The following MAP6 variants were observed in gnomAD, a reference collection of about 807,000 sequenced individuals.
MAP6 encodes microtubule-associated protein 6.
MAP6 carries 26 observed loss-of-function variants against 42.4 expected under a neutral mutation model. The ratio of observed to expected loss-of-function variants is 0.61; its 90% CI spans 0.45 to 0.85. The LOEUF (loss-of-function observed/expected upper bound fraction) is 0.85. Among genes scored for constraint, MAP6 ranks in the 40% least tolerant of loss-of-function variants. The probability of loss-of-function intolerance (pLI) is 0.00; values close to 1 mark genes in which losing one functional copy is unlikely to be tolerated. For missense variants in MAP6, 966 were observed against 1,099.0 expected (o/e 0.88, Z 1.71); for synonymous variants, 418 against 443.8 (o/e 0.94, Z 0.73).
chr11:75,635,700 G>A (rs990767738), intron 1 of MAP6, among the ~76,000 whole-genome samples: 7 of 152,160 alleles, frequency 4.6e-5, no homozygotes, highest in African/African-American at 1.7e-4. Flanking sequence ...TCATTCCTTC[G>A]TGAGCCATAT....
intron 1 of MAP6, among the ~76,000 whole-genome samples, chr11:75,628,582 G>T (rs866528360): frequency 6.6e-6 from 1 of 152,238 alleles, no homozygotes; most frequent in African/African-American, 2.4e-5. Context: ...GGCCAGAGCG[G>T]CAGGAGGGAG....
chr11:75,655,485 C>T (rs1209233678), intron 1 of MAP6, among the ~76,000 whole-genome samples: 2 of 152,266 alleles, frequency 1.3e-5, no homozygotes, highest in Admixed American at 1.3e-4. Context: ...GAAAAGGCAT[C>T]GAGTGTGTGC....
At chr11:75,604,159 G>C in intron 3 of MAP6, 2 of 985,842 alleles carry the variant, frequency 2.0e-6, no homozygotes, top group Non-Finnish European at 2.4e-6. Context: ...GTCGCAGTGG[G>C]CCTGATCAAC....
intron 1 of MAP6, among the ~76,000 whole-genome samples, chr11:75,651,412 C>T (rs1401125165): frequency 6.6e-6 from 1 of 152,150 alleles, no homozygotes. Flanking sequence ...TTCGGTGAGG[C>T]GTCATAACAG....
chr11:75,651,337 C>T (rs1025124647), intron 1 of MAP6, among the ~76,000 whole-genome samples: 1 of 152,292 alleles, frequency 6.6e-6, no homozygotes, highest in South Asian at 2.1e-4. Flanking sequence ...TTTTTAGAAT[C>T]ACCAAGCCTC....
rs568332906 is a variant in MAP6, at chr11:75,591,050, C to T, written c.1317-2866G>A. Among the ~76,000 whole-genome samples, 5 of 152,020 alleles carry T rather than the reference C, an allele frequency of 3.3e-5. No individual in the cohort carries two copies. In the South Asian group the frequency reaches 1.0e-3, roughly 32 times the overall value. ...ATTTGTAATGTTTAAGATAATTTAG[C>T]GTATTAGAATGTCTAACAGATTAGC... On this transcript the variant is annotated intron_variant, in intron 3 of 3. Transcript: ENST00000304771.
At chr11:75,605,486 C>G (rs75570867) in intron 3 of MAP6, 1 of 1,128,078 alleles carries the variant, frequency 8.9e-7, no homozygotes, top group African/African-American at 1.6e-5. Context: ...CAAGCACTGC[C>G]GGGAGATTCG....
At chr11:75,626,878 T>C (rs1362682732) in intron 1 of MAP6, among the ~76,000 whole-genome samples, 2 of 152,126 alleles carry the variant, frequency 1.3e-5, no homozygotes, top group Non-Finnish European at 2.9e-5. Context: ...ATAAATGATT[T>C]GAGTCATTTG....
At position 75,608,062 on chromosome 11, in the gene MAP6, C is replaced by G. The variant is rs377647038; in HGVS notation, c.1119+47G>C. The G allele has an allele frequency of 5.7e-6, 9 of 1,585,830 alleles. No homozygotes were observed. The African/African-American group carries it at 1.2e-4, about 21-fold the overall frequency. On this transcript the variant is annotated intron_variant, in intron 2 of 3. Transcript: ENST00000304771. ...ACCCCATGCTCTGCTGCAGTTAACC[C>G]TTATGGTCCAGGCTGTGCTGATGGG...
chr11:75,625,384 A>G (rs1167868036), intron 1 of MAP6, among the ~76,000 whole-genome samples: 1 of 152,190 alleles, frequency 6.6e-6, no homozygotes, highest in Non-Finnish European at 1.5e-5. Flanking sequence ...TGCATTCTTT[A>G]TCTGTCAGCT....
chr11:75,650,678 T>C (rs968362810), intron 1 of MAP6, among the ~76,000 whole-genome samples: 3 of 152,206 alleles, frequency 2.0e-5, no homozygotes, highest in Admixed American at 6.5e-5. Context: ...GTATCCTATA[T>C]CCTATGGCAT....
intron 1 of MAP6, among the ~76,000 whole-genome samples, chr11:75,611,104 C>T (rs1942888973): frequency 6.6e-6 from 1 of 152,192 alleles, no homozygotes; most frequent in African/African-American, 2.4e-5. Context: ...GGGGCTGTGG[C>T]CACCGTTACC....
At chr11:75,637,717 T>C (rs1300687304) in intron 1 of MAP6, among the ~76,000 whole-genome samples, 1 of 151,118 alleles carries the variant, frequency 6.6e-6, no homozygotes, top group Non-Finnish European at 1.5e-5. Context: ...AAACTCCTTC[T>C]GGTCAAGAAA....
chr11:75,660,970 G>GA lies in MAP6; in HGVS notation c.905+6494dup, dbSNP rs1049351655. Among the ~76,000 whole-genome samples, 321 of 142,464 alleles carry GA rather than the reference G, an allele frequency of 2.3e-3. 2 individuals are homozygous for GA. The highest frequency in any genetic ancestry group is 7.4e-3 in the African/African-American group (286 of 38,804). 93.5% of individuals were successfully genotyped at this position (142,464 alleles called of 152,430 possible). A position where few individuals can be genotyped will look rare whatever the true frequency, so the allele number is the denominator to read the frequency against. ...AACAAATCTGAACAAGACTAATCCT[G>GA]AAAAAAAAAAGCGAGAAGGTACAAA... On this transcript the variant is annotated intron_variant, in intron 1 of 3. Transcript: ENST00000304771.
intron 1 of MAP6, among the ~76,000 whole-genome samples, chr11:75,664,134 C>T (rs512500): frequency 0.25 from 38,716 of 151,996 alleles, 5,752 homozygotes; most frequent in African/African-American, 0.4. Context: ...CCCAGTGAAA[C>T]CCATCCTTAA....
chr11:75,649,854 C>T (rs772960119), intron 1 of MAP6, among the ~76,000 whole-genome samples: 2 of 151,922 alleles, frequency 1.3e-5, no homozygotes, highest in East Asian at 1.9e-4. Flanking sequence ...TATAATAAAA[C>T]GTTAATTTTT....
chr11:75,625,813 T>C (rs1026252910), intron 1 of MAP6, among the ~76,000 whole-genome samples: 1 of 152,174 alleles, frequency 6.6e-6, no homozygotes, highest in African/African-American at 2.4e-5. Context: ...ACTTCTGCCA[T>C]GGTTGAAAAT....
At chr11:75,588,382 A>G (rs533657499) in intron 3 of MAP6, among the ~76,000 whole-genome samples, 198 bp from the exon 4 acceptor site, 120 of 152,226 alleles carry the variant, frequency 7.9e-4, no homozygotes, top group African/African-American at 2.7e-3. Flanking sequence ...GTGAAGGCTC[A>G]GGAATCAGTC....
intron 3 of MAP6, among the ~76,000 whole-genome samples, chr11:75,601,287 C>T (rs1942659714): frequency 6.6e-6 from 1 of 152,214 alleles, no homozygotes; most frequent in Admixed American, 6.5e-5. Context: ...TTCTACCTCT[C>T]TACTTCTCGC....
Sources: gnomAD v4.1 joint callset for allele counts (sites outside exome capture counted in the v4.1 genomes callset) on GRCh38, gnomAD v4.1.1 for gene constraint, MANE v1.5 for transcripts, NCBI Gene and HGNC (gene_info 2026-07-23, HGNC 2026-07-21) for gene names.